PKD1L1: variants seen among roughly 807,000 people sequenced by gnomAD.
PKD1L1 encodes polycystin 1 like 1, transient receptor potential channel interacting.
In PKD1L1, 236 loss-of-function variants were observed where a neutral mutation model predicts 323.4. The observed-to-expected ratio is 0.73, with a 90% CI of 0.66 to 0.81. PKD1L1 has a LOEUF of 0.81. Among genes scored for constraint, PKD1L1 ranks in the 40% least tolerant of loss-of-function variants. The pLI is 0.00. For synonymous variants in PKD1L1, 1,344 were observed against 1,335.0 expected, an observed-to-expected ratio of 1.01 and a Z score of -0.15; for missense variants, 3,320 against 3,508.0, an observed-to-expected ratio of 0.95 and a Z score of 1.35.
At chr7:47,899,562 A>G (rs909681889) in intron 13 of PKD1L1, among the ~76,000 whole-genome samples, 1 of 152,088 alleles carries the variant, frequency 6.6e-6, no homozygotes, top group African/African-American at 2.4e-5. Flanking sequence ...AGGGGGCCTC[A>G]GGATAGAGTC....
At chr7:47,817,624 T>C (rs1222957535) in intron 46 of PKD1L1, among the ~76,000 whole-genome samples, 2 of 152,152 alleles carry the variant, frequency 1.3e-5, no homozygotes, top group East Asian at 1.9e-4. Flanking sequence ...ATCCTAGCAC[T>C]TTGGAAGGCC....
intron 52 of PKD1L1, among the ~76,000 whole-genome samples, chr7:47,806,702 A>C (rs1784785778): frequency 6.6e-6 from 1 of 152,248 alleles, no homozygotes. Context: ...TGCCTGCAGA[A>C]CAGGTCCCTG....
At chr7:47,955,465 T>C in the PKD1L1 span, among the ~76,000 whole-genome samples, 1 of 152,218 alleles carries the variant, frequency 6.6e-6, no homozygotes, top group South Asian at 2.1e-4. Context: ...CTCATAAATA[T>C]CCAGATTTAA....
chr7:47,817,336 T>C (rs537770594), intron 46 of PKD1L1, among the ~76,000 whole-genome samples: 1 of 152,192 alleles, frequency 6.6e-6, no homozygotes, highest in Non-Finnish European at 1.5e-5. Context: ...AGTTATTAAC[T>C]GTTTCCAGCA....
Position 47,803,229 on chromosome 7 carries a change from G to A in PKD1L1, c.7943C>T (p.Pro2648Leu). ...TCTTACCCCTGCTACAAAGATGCTG[G>A]GGAGTGAGTGGCGCATCATGGAGGA... Reference protein sequence around the residue: ...SCSSMMRHSLPSIFVAGLVGA... With the variant: ...SCSSMMRHSLLSIFVAGLVGA... The change falls in exon 53 of 57, where the codon CCC becomes CTC. Residue 2648 changes from proline to leucine, a missense_variant. Physicochemically the swap from Pro to Leu is moderately conservative, Grantham distance 98. Coordinates refer to ENST00000289672, the MANE Select transcript of PKD1L1 (RefSeq NM_138295.5). The A allele has an allele frequency of 6.2e-7, 1 of 1,614,120 alleles. No homozygotes were observed. Among genetic ancestry groups the A allele is most frequent in the Non-Finnish European group, 8.5e-7 (1 of 1,180,018 alleles).
chr7:47,904,361 G>A lies in PKD1L1; in HGVS notation c.1931+17C>T, dbSNP rs368214274. 5.4e-5 allele frequency: 87 copies of A among 1,613,620 alleles called. No individual in the cohort carries two copies. Among genetic ancestry groups the A allele is most frequent in the Non-Finnish European group, 6.8e-5 (80 of 1,179,932 alleles). On this transcript the variant is annotated intron_variant, in intron 12 of 56. Coordinates refer to ENST00000289672, the MANE Select transcript of PKD1L1 (RefSeq NM_138295.5). ...CGCTGTCTGTAGAGAGCACTCCGCCGCCTTGCAGTGGCTCACCTACTGTAG... is the reference window on the plus strand; with the variant it reads ...CGCTGTCTGTAGAGAGCACTCCGCCACCTTGCAGTGGCTCACCTACTGTAG...
rs1321758798 is a variant in PKD1L1 at position 47,904,513 on chromosome 7, G to C, written c.1796C>G (p.Pro599Arg). 2.5e-6 allele frequency: 4 copies of C among 1,614,162 alleles called. No individual in the cohort carries two copies. Among genetic ancestry groups the C allele is most frequent in the Admixed American group, 1.7e-5 (1 of 60,026 alleles). ...ACTGGCATTTACCAGAGCTGAGGAG[G>C]GGGACGTGAGCCGATTGGCCACAAT... ...KKIVANRLTS[P>R]SSALVNASVA... The change falls in exon 12 of 57, where the codon CCC (proline) becomes CGC (arginine). Residue 599 changes from proline to arginine, a missense_variant. Physicochemically the swap from Pro to Arg is moderately radical, Grantham distance 103. Transcript: ENST00000289672.
At chr7:47,809,436 G>T (rs562338569) in intron 51 of PKD1L1, 37 bp downstream of exon 51, 3 of 1,409,294 alleles carry the variant, frequency 2.1e-6, no homozygotes, top group South Asian at 2.6e-5. Context: ...ACAGTTTATT[G>T]TTATTTTTCA....
At chr7:47,833,729 G>C (rs973585669) in intron 40 of PKD1L1, among the ~76,000 whole-genome samples, 5 of 152,186 alleles carry the variant, frequency 3.3e-5, no homozygotes, top group Non-Finnish European at 2.9e-5. Flanking sequence ...TGGCAAACAG[G>C]GCACCATGTG....
At chr7:47,941,312 G>A (rs1443499810) in intron 2 of PKD1L1, among the ~76,000 whole-genome samples, 1 of 152,216 alleles carries the variant, frequency 6.6e-6, no homozygotes, top group African/African-American at 2.4e-5. Context: ...GAACCCAAAG[G>A]CCTGCAGGCC....
chr7:47,816,722 T>A (rs1164053860), intron 46 of PKD1L1, among the ~76,000 whole-genome samples: 1 of 152,238 alleles, frequency 6.6e-6, no homozygotes, highest in East Asian at 1.9e-4. Flanking sequence ...GTCACCCAAG[T>A]ACACACAGTT....
intron 53 of PKD1L1, among the ~76,000 whole-genome samples, chr7:47,801,873 A>G (rs1460416653): frequency 6.6e-6 from 1 of 152,122 alleles, no homozygotes; most frequent in African/African-American, 2.4e-5. Flanking sequence ...AATTATTTAT[A>G]TTCTGGGCTT....
chr7:47,817,928 T>C, intron 46 of PKD1L1: 1 of 897,236 alleles, frequency 1.1e-6, no homozygotes. Flanking sequence ...TTTATCTGAC[T>C]GGTTTTATTT....
chr7:47,775,283 C>A, intron 56 of PKD1L1, 117 bp from the exon 57 acceptor site: 1 of 1,130,942 alleles, frequency 8.8e-7, no homozygotes, highest in Non-Finnish European at 1.3e-6. Flanking sequence ...CATCAGCTAA[C>A]TTGACCAAGG....
At position 47,808,256 on chromosome 7, in the gene PKD1L1, T is replaced by G. The variant is rs781712459; in HGVS notation, c.7818A>C (p.Ser2606=). ...TGAGCACACCGTGTACCTGATTCCA[T>G]GATGCCATAAGGGTGAGGTCCATAA... The part of the protein sequence containing the change: ...RAFMDLTLMA[S]WNQRARWLRG... The change falls in exon 52 of 57, where the codon TCA becomes TCC. Residue 2606 remains serine (S), a synonymous_variant. Coordinates refer to ENST00000289672, the MANE Select transcript of PKD1L1 (RefSeq NM_138295.5). 6.2e-7 allele frequency: 1 copy of G among 1,614,182 alleles called. No homozygotes were observed. The highest frequency in any genetic ancestry group is 1.7e-5 in the Admixed American group (1 of 60,036).
At chr7:47,900,953 AAAAT>A (rs1219013969) in intron 13 of PKD1L1, among the ~76,000 whole-genome samples, 3 of 152,204 alleles carry the variant, frequency 2.0e-5, no homozygotes, top group African/African-American at 7.2e-5. Flanking sequence ...AAAAATACTG[AAAAT>A]AAATAATTAG....
At chr7:47,832,938 A>C (rs1785377400) in intron 41 of PKD1L1, 152 bp downstream of exon 41, 3 of 1,007,232 alleles carry the variant, frequency 3.0e-6, no homozygotes, top group Non-Finnish European at 4.2e-6. Context: ...TGGACGCCTC[A>C]GTTTTGGGTG....
chr7:47,802,451 C>T (rs568256629), intron 53 of PKD1L1, among the ~76,000 whole-genome samples: 5 of 152,288 alleles, frequency 3.3e-5, no homozygotes, highest in Middle Eastern at 6.8e-3. Context: ...CCCTGGTTTG[C>T]TCAGCATGTT....
At chr7:47,921,412 T>C (rs1019606569) in intron 7 of PKD1L1, among the ~76,000 whole-genome samples, 1 of 152,200 alleles carries the variant, frequency 6.6e-6, no homozygotes, top group African/African-American at 2.4e-5. Context: ...GTGGATGCAG[T>C]GAACAGGGAA....
Sources: allele counts gnomAD v4.1 joint callset (sites outside exome capture counted in the v4.1 genomes callset), GRCh38; gene constraint gnomAD v4.1.1; transcripts MANE v1.5; gene names NCBI Gene and HGNC (gene_info 2026-07-23, HGNC 2026-07-21).